The following CAMK1D variants were observed in gnomAD, a reference collection of about 807,000 sequenced individuals.
CAMK1D encodes calcium/calmodulin dependent protein kinase ID, also known as calcium/calmodulin-dependent protein kinase type 1D.
In CAMK1D, 9 loss-of-function variants were observed where a neutral mutation model predicts 47.7. The ratio of observed to expected loss-of-function variants is 0.19; its 90% CI spans 0.11 to 0.33. The LOEUF (loss-of-function observed/expected upper bound fraction) is 0.33, where lower values mean the gene tolerates loss of function less well. Among genes scored for constraint, CAMK1D ranks in the 10% least tolerant of loss-of-function variants. The pLI is 1.00. For missense variants in CAMK1D, 291 were observed against 488.7 expected (o/e 0.60, Z 3.81); for synonymous variants, 184 against 184.9 (o/e 0.99, Z 0.04).
intron 2 of CAMK1D, among the ~76,000 whole-genome samples, chr10:12,563,698 AGG>A (rs1491492513): frequency 0.15 from 10,065 of 68,712 alleles, 369 homozygotes; most frequent in Non-Finnish European, 0.22. Flanking sequence ...AGAGAGAGAG[AGG>A]GAGAGAGAGG....
chr10:12,615,682 GGT>G (rs539255512), intron 2 of CAMK1D, among the ~76,000 whole-genome samples: 19 of 150,578 alleles, frequency 1.3e-4, no homozygotes, highest in South Asian at 6.3e-4. Flanking sequence ...TTTGTGTATA[GGT>G]GTGTGTGGTT....
intron 1 of CAMK1D, among the ~76,000 whole-genome samples, chr10:12,399,253 T>C (rs989777237): frequency 6.6e-6 from 1 of 152,100 alleles, no homozygotes; most frequent in Non-Finnish European, 1.5e-5. Context: ...ACACCTGTAA[T>C]CCAGCACTTT....
chr10:12,793,264 A>G (rs2482037), intron 6 of CAMK1D, among the ~76,000 whole-genome samples: 64,445 of 151,832 alleles, frequency 0.42, 14,029 homozygotes, highest in East Asian at 0.56. Flanking sequence ...CCTTCTGGTT[A>G]TTTGTTCCTT....
intron 5 of CAMK1D, among the ~76,000 whole-genome samples, chr10:12,783,731 CTT>C (rs1473068559): frequency 2.0e-5 from 3 of 152,092 alleles, no homozygotes; most frequent in Admixed American, 6.6e-5. Flanking sequence ...TTCTGAAACT[CTT>C]TTTTTGTTTT....
intron 6 of CAMK1D, among the ~76,000 whole-genome samples, chr10:12,809,542 C>A (rs1218810129): frequency 6.6e-6 from 1 of 152,210 alleles, no homozygotes; most frequent in Non-Finnish European, 1.5e-5. Flanking sequence ...GAATGCTATT[C>A]AGCCTTTAAA....
rs557054420 is a variant in CAMK1D at position 12,812,770 on chromosome 10, G to A, written c.642-1425G>A. On this transcript the variant is annotated intron_variant, in intron 6 of 10. Coordinates refer to ENST00000619168, the MANE Select transcript of CAMK1D (RefSeq NM_153498.4). ...GCCTTAGGCCCACCTCTTCCTGGCC[G>A]TCCAGTGTAAACCAAGGCCAGCCCC... Among the ~76,000 whole-genome samples the A allele has an allele frequency of 6.6e-5, 10 of 152,262 alleles. No homozygotes were observed. The East Asian group carries it at 9.7e-4, about 15-fold the overall frequency.
intron 1 of CAMK1D, among the ~76,000 whole-genome samples, chr10:12,524,722 T>A (rs1474890974): frequency 6.6e-6 from 1 of 152,086 alleles, no homozygotes; most frequent in Admixed American, 6.5e-5. Context: ...AAAAAAATCA[T>A]TTTAATTTTT....
chr10:12,439,516 C>T (rs1007905048), intron 1 of CAMK1D, among the ~76,000 whole-genome samples: 1 of 152,194 alleles, frequency 6.6e-6, no homozygotes, highest in Non-Finnish European at 1.5e-5. Context: ...GGGATTTGCT[C>T]TCACCAGTCC....
chr10:12,586,005 G>T (rs1253605252), intron 2 of CAMK1D, among the ~76,000 whole-genome samples: 2 of 152,248 alleles, frequency 1.3e-5, no homozygotes, highest in Admixed American at 1.3e-4. Context: ...GCTTCTTTCA[G>T]CCTTTTGGAA....
chr10:12,548,809 A>G (rs776450374), intron 1 of CAMK1D, among the ~76,000 whole-genome samples: 25 of 151,804 alleles, frequency 1.6e-4, no homozygotes, highest in Non-Finnish European at 3.2e-4. Flanking sequence ...CATCAACTAC[A>G]TTCACATTGT....
At chr10:12,644,795 G>T (rs1839768939) in intron 2 of CAMK1D, among the ~76,000 whole-genome samples, 1 of 151,928 alleles carries the variant, frequency 6.6e-6, no homozygotes, top group African/African-American at 2.4e-5. Context: ...TTTTTCATAA[G>T]CCATTACAGG....
In CAMK1D at chr10:12,769,631, T is replaced by G. The variant is rs112325546; in HGVS notation, c.439-42T>G. On this transcript the variant is annotated intron_variant, in intron 4 of 10. Coordinates refer to ENST00000619168, the MANE Select transcript of CAMK1D (RefSeq NM_153498.4). ...TGAGTCTTCCACAATTAACCCAGCT[T>G]TACACGTAGTTTGTAATGTTTTTTT... is the stretch of plus-strand genomic sequence containing the variant. The G allele has an allele frequency of 1.1e-4, 178 of 1,608,508 alleles. No individual in the cohort carries two copies. In the African/African-American group the frequency reaches 1.7e-3, roughly 15 times the overall value.
At chr10:12,387,508 G>A (rs1244689973) in intron 1 of CAMK1D, among the ~76,000 whole-genome samples, 17 of 124,256 alleles carry the variant, frequency 1.4e-4, no homozygotes, top group African/African-American at 4.1e-4. Context: ...TGTGTATCTC[G>A]GTTGCTTTTT....
chr10:12,436,931 C>G (rs189283786), intron 1 of CAMK1D, among the ~76,000 whole-genome samples: 1 of 152,112 alleles, frequency 6.6e-6, no homozygotes, highest in Non-Finnish European at 1.5e-5. Flanking sequence ...GAAAGGACTT[C>G]GAGCAAAATC....
At chr10:12,817,107 A>G (rs2254380) in intron 8 of CAMK1D, among the ~76,000 whole-genome samples, 5,426 of 152,264 alleles carry the variant, frequency 0.036, 308 homozygotes, top group African/African-American at 0.12. Flanking sequence ...ATTCACTGTC[A>G]CGAGAACAGC....
chr10:12,764,924 T>C (rs147208825), intron 4 of CAMK1D, among the ~76,000 whole-genome samples: 29 of 152,274 alleles, frequency 1.9e-4, no homozygotes, highest in African/African-American at 7.0e-4. Flanking sequence ...GATGAAGCCT[T>C]GTCTCTACTA....
intron 1 of CAMK1D, among the ~76,000 whole-genome samples, chr10:12,360,686 C>T (rs963911494): frequency 6.6e-6 from 1 of 152,102 alleles, no homozygotes; most frequent in Non-Finnish European, 1.5e-5. Context: ...TCCCGGGAGG[C>T]TCAAATGGGT....
At chr10:12,460,241 G>A (rs1332766702) in intron 1 of CAMK1D, among the ~76,000 whole-genome samples, 1 of 151,178 alleles carries the variant, frequency 6.6e-6, no homozygotes, top group Non-Finnish European at 1.5e-5. Context: ...GCTTGTTGTC[G>A]TATTTCCTAT....
intron 1 of CAMK1D, among the ~76,000 whole-genome samples, chr10:12,485,401 G>A (rs1353527572): frequency 1.3e-5 from 2 of 152,160 alleles, no homozygotes; most frequent in African/African-American, 2.4e-5. Flanking sequence ...GGAGGGAGTA[G>A]AAACAGGCAG....
Sources: gnomAD v4.1 joint callset for allele counts (sites outside exome capture counted in the v4.1 genomes callset) on GRCh38, gnomAD v4.1.1 for gene constraint, MANE v1.5 for transcripts, NCBI Gene and HGNC (gene_info 2026-07-23, HGNC 2026-07-21) for gene names.